Variants in C17orf67 observed in about 807,000 individuals in gnomAD.
C17orf67 encodes the protein uncharacterized protein C17orf67.
Under a neutral mutation model 11.2 loss-of-function variants are expected in C17orf67, and 12 were observed. That is an observed-to-expected ratio of 1.07 (90% CI 0.68 to 1.73). The LOEUF (loss-of-function observed/expected upper bound fraction) is 1.73, where lower values mean the gene tolerates loss of function less well. Ranked by LOEUF, C17orf67 falls within the 40% of genes most tolerant of loss-of-function variation. C17orf67 has a pLI of 0.00. For missense variants in C17orf67, 115 were observed against 113.5 expected, an observed-to-expected ratio of 1.01 and a Z score of -0.06; for synonymous variants, 59 against 46.9, an observed-to-expected ratio of 1.26 and a Z score of -1.05.
chr17:56,831,728 A>AT (rs1369350567), intron 2 of C17orf67, among the ~76,000 whole-genome samples: 1 of 152,128 alleles, frequency 6.6e-6, no homozygotes, highest in Non-Finnish European at 1.5e-5. Flanking sequence ...CAGAATCCGT[A>AT]TAAGACAGCC....
chr17:56,830,562 T>C (rs529927998), intron 2 of C17orf67, among the ~76,000 whole-genome samples: 19 of 152,274 alleles, frequency 1.2e-4, no homozygotes, highest in African/African-American at 4.1e-4. Flanking sequence ...TTGGACAACA[T>C]TGGGGAACCC....
chr17:56,824,233 T>G (rs1437796479), intron 4 of C17orf67, among the ~76,000 whole-genome samples: 1 of 152,216 alleles, frequency 6.6e-6, no homozygotes, highest in Non-Finnish European at 1.5e-5. Flanking sequence ...TGTTATAAAA[T>G]TGAGCCTGGA....
intron 2 of C17orf67, among the ~76,000 whole-genome samples, chr17:56,831,125 G>A (rs140955960): frequency 1.5e-3 from 221 of 151,634 alleles, no homozygotes; most frequent in African/African-American, 5.2e-3. Context: ...AGGGAACATA[G>A]TAAAGCAGGA....
intron 2 of C17orf67, among the ~76,000 whole-genome samples, chr17:56,825,789 T>C (rs933396501): frequency 2.6e-5 from 4 of 152,114 alleles, no homozygotes; most frequent in Non-Finnish European, 5.9e-5. Context: ...TCATCAAAAG[T>C]ATGCATTAAA....
intron 6 of C17orf67, among the ~76,000 whole-genome samples, chr17:56,805,044 T>C (rs1200028956): frequency 6.6e-6 from 1 of 152,208 alleles, no homozygotes; most frequent in Non-Finnish European, 1.5e-5. Context: ...TGTACGGTGC[T>C]TGGTGGTGGG....
intron 6 of C17orf67, among the ~76,000 whole-genome samples, chr17:56,800,058 A>T (rs1217118465): frequency 1.0e-5 from 1 of 96,294 alleles, no homozygotes; most frequent in East Asian, 2.9e-4. Flanking sequence ...TTGCAAACTA[A>T]TTTTTTTTTT....
chr17:56,815,713 C>T, intron 5 of C17orf67, 43 bp downstream of exon 5: 4 of 1,518,850 alleles, frequency 2.6e-6, no homozygotes, highest in Non-Finnish European at 3.6e-6. Context: ...TATTATTTAT[C>T]ATGTCAGCAT....
At chr17:56,802,517 G>C (rs920687924) in intron 6 of C17orf67, among the ~76,000 whole-genome samples, 10 of 152,160 alleles carry the variant, frequency 6.6e-5, no homozygotes, top group African/African-American at 2.2e-4. Context: ...TGTTAACCCT[G>C]ATCTTTTATT....
chr17:56,794,805 C>T (rs998065463), intron 7 of C17orf67, among the ~76,000 whole-genome samples: 1 of 152,204 alleles, frequency 6.6e-6, no homozygotes, highest in Admixed American at 6.5e-5. Flanking sequence ...CGTCCCTCCC[C>T]ATTCGGGATC....
In C17orf67 at chr17:56,814,986, G is replaced by A; in HGVS notation, c.56-17C>T. The A allele has an allele frequency of 1.9e-6, 3 of 1,602,222 alleles. No individual in the cohort carries two copies. Among genetic ancestry groups the A allele is most frequent in the Middle Eastern group, 1.7e-4 (1 of 6,038 alleles). The stretch of plus-strand genomic sequence containing the variant: ...GGGAGGTCTCTGGAAAAGTCGGGAA[G>A]GTGCCTTAAGGACACTCAGGCTCAG... On this transcript the variant is annotated splice_polypyrimidine_tract_variant and intron_variant, in intron 5 of 7. Coordinates refer to ENST00000397861, the MANE Select transcript of C17orf67 (RefSeq NM_001085430.4).
At chr17:56,825,434 C>G (rs1050449532) in intron 2 of C17orf67, 113 bp from the exon 3 acceptor site, 1 of 152,156 alleles carries the variant, frequency 6.6e-6, no homozygotes, top group African/African-American at 2.4e-5. Context: ...TGTATCTCCT[C>G]AGGTGTGGCA....
chr17:56,806,131 C>T (rs1340330741), intron 6 of C17orf67, among the ~76,000 whole-genome samples: 2 of 151,982 alleles, frequency 1.3e-5, no homozygotes, highest in South Asian at 2.1e-4. Flanking sequence ...CCCACCACCA[C>T]ACCTGGCTAA....
rs1042542754 is a variant in C17orf67 at position 56,830,399 on chromosome 17, TAAAGTA to T, written c.-557+2493_-557+2498del. Among the ~76,000 whole-genome samples the T allele has an allele frequency of 3.2e-4, 49 of 151,758 alleles. 1 individual carries two copies. Among genetic ancestry groups the T allele is most frequent in the Non-Finnish European group, 1.3e-4 (9 of 67,946 alleles). On this transcript the variant is annotated intron_variant, in intron 2 of 7. Coordinates refer to ENST00000397861, the MANE Select transcript of C17orf67 (RefSeq NM_001085430.4). ...ATGCAAAGGGAGATTTATTTTGGGA[TAAAGTA>T]AAAGGGAATGTTTAAAGAGAAATTT...
intron 6 of C17orf67, among the ~76,000 whole-genome samples, chr17:56,799,057 A>G (rs997464624): frequency 4.6e-5 from 7 of 152,178 alleles, no homozygotes; most frequent in African/African-American, 1.7e-4. Context: ...ACCGCTATTC[A>G]TGAGGGATCC....
intron 6 of C17orf67, among the ~76,000 whole-genome samples, chr17:56,797,462 C>A (rs1264479197): frequency 6.6e-6 from 1 of 152,088 alleles, no homozygotes; most frequent in Non-Finnish European, 1.5e-5. Flanking sequence ...CAGAAGCCAG[C>A]TGGCCAGGGA....
chr17:56,797,961 C>T (rs982365845), intron 6 of C17orf67, among the ~76,000 whole-genome samples: 1 of 152,214 alleles, frequency 6.6e-6, no homozygotes, highest in Non-Finnish European at 1.5e-5. Flanking sequence ...TGTGATTTCT[C>T]TTGTCTTAGT....
intron 2 of C17orf67, among the ~76,000 whole-genome samples, chr17:56,826,527 C>T (rs949274370): frequency 2.0e-5 from 3 of 152,190 alleles, no homozygotes; most frequent in Non-Finnish European, 4.4e-5. Flanking sequence ...ACTGCCCCTG[C>T]GTTTTCACAA....
intron 2 of C17orf67, among the ~76,000 whole-genome samples, chr17:56,828,866 A>AC: frequency 6.6e-6 from 1 of 152,110 alleles, no homozygotes; most frequent in African/African-American, 2.4e-5. Flanking sequence ...AAAAAAAAAA[A>AC]AAAACACTGC....
chr17:56,820,285 G>C (rs917348939), intron 4 of C17orf67, among the ~76,000 whole-genome samples: 3 of 152,118 alleles, frequency 2.0e-5, no homozygotes, highest in Non-Finnish European at 4.4e-5. Context: ...ATTTAAGAAA[G>C]ATTAATAAAA....
Sources: gnomAD v4.1 joint callset for allele counts (sites outside exome capture counted in the v4.1 genomes callset) on GRCh38, gnomAD v4.1.1 for gene constraint, MANE v1.5 for transcripts, NCBI Gene and HGNC (gene_info 2026-07-23, HGNC 2026-07-21) for gene names.